The following SOX6 variants were observed in gnomAD, a reference collection of about 807,000 sequenced individuals.
The protein encoded by SOX6 is transcription factor SOX-6.
A neutral mutation model predicts 97.8 loss-of-function variants in SOX6; 11 were observed. The ratio of observed to expected loss-of-function variants is 0.11; its 90% CI spans 0.07 to 0.19. SOX6 has a LOEUF of 0.19. SOX6 is among the 10% of genes least tolerant of loss of function. SOX6 has a pLI of 1.00. For synonymous variants in SOX6, 360 were observed against 371.4 expected, an observed-to-expected ratio of 0.97 and a Z score of 0.35; for missense variants, 810 against 1,039.5, an observed-to-expected ratio of 0.78 and a Z score of 3.04.
chr11:16,615,049 C>A (rs7935139), intron 3 of SOX6, among the ~76,000 whole-genome samples: 2 of 152,116 alleles, frequency 1.3e-5, no homozygotes, highest in Non-Finnish European at 2.9e-5. Context: ...GCCCCCAAGC[C>A]GGACCCCACT....
At chr11:16,119,704 G>A (rs1376281098) in intron 6 of SOX6, among the ~76,000 whole-genome samples, 1 of 152,188 alleles carries the variant, frequency 6.6e-6, no homozygotes, top group Non-Finnish European at 1.5e-5. Context: ...TTTTCATAGG[G>A]TAGAATTGTT....
At position 16,046,664 on chromosome 11, in the gene SOX6, C is replaced by T; in HGVS notation, c.1473G>A (p.Gly491=). ...TGGCTTTCATCACTGTATCCTGATC[C>T]CCAAAAAGGGCAGGGGAGTTGAGAC... is the stretch of plus-strand genomic sequence containing the variant. The part of the protein sequence containing the change: ...LSSLNSPALF[G]DQDTVMKAIQ... Residue 491 remains glycine (G), a synonymous_variant, in exon 12 of 16, where the codon GGG becomes GGA. Transcript: ENST00000683767. The T allele has an allele frequency of 3.7e-6, 6 of 1,613,622 alleles. No individual in the cohort carries two copies. The highest frequency in any genetic ancestry group is 5.1e-6 in the Non-Finnish European group (6 of 1,179,740).
chr11:16,511,250 G>A (rs1860876018), intron 4 of SOX6, among the ~76,000 whole-genome samples: 1 of 152,120 alleles, frequency 6.6e-6, no homozygotes, highest in Non-Finnish European at 1.5e-5. Flanking sequence ...TTCTATAGAT[G>A]AGGATGATTA....
At chr11:15,988,724 A>G (rs1387499244) in intron 14 of SOX6, among the ~76,000 whole-genome samples, 1 of 152,206 alleles carries the variant, frequency 6.6e-6, no homozygotes, top group Admixed American at 6.5e-5. Context: ...ATTAACACAT[A>G]CTATAAATAG....
At chr11:16,587,733 T>G (rs992911789) in intron 4 of SOX6, among the ~76,000 whole-genome samples, 1 of 152,204 alleles carries the variant, frequency 6.6e-6, no homozygotes, top group Non-Finnish European at 1.5e-5. Flanking sequence ...TCCTTTATTC[T>G]CCTTCTCTTG....
chr11:16,522,210 A>AT (rs1261060472), intron 4 of SOX6, among the ~76,000 whole-genome samples: 5 of 152,218 alleles, frequency 3.3e-5, no homozygotes, highest in Admixed American at 3.3e-4. Flanking sequence ...GAAGGAAAAA[A>AT]TGTTAAGGGC....
chr11:16,306,061 CA>C (rs755136927), intron 3 of SOX6, among the ~76,000 whole-genome samples: 2 of 151,942 alleles, frequency 1.3e-5, no homozygotes, highest in Non-Finnish European at 2.9e-5. Flanking sequence ...AAATAGGTGA[CA>C]AAAATATATA....
chr11:16,130,155 TAAAC>T (rs1849705395), intron 6 of SOX6, among the ~76,000 whole-genome samples: 1 of 151,776 alleles, frequency 6.6e-6, no homozygotes, highest in Admixed American at 6.6e-5. Context: ...ATACTAGTAA[TAAAC>T]AATTAGAAAA....
At chr11:16,626,613 A>G (rs1171688804) in intron 3 of SOX6, among the ~76,000 whole-genome samples, 1 of 152,142 alleles carries the variant, frequency 6.6e-6, no homozygotes, top group Non-Finnish European at 1.5e-5. Flanking sequence ...GATTTTATTT[A>G]ATCTATAGAT....
intron 13 of SOX6, among the ~76,000 whole-genome samples, chr11:15,994,434 GT>G (rs1854160798): frequency 3.9e-5 from 5 of 129,592 alleles, no homozygotes; most frequent in East Asian, 2.7e-4. Context: ...TTGGGTTTAT[GT>G]AAAAAAAAAA....
At chr11:16,666,795 C>CA (rs1223862410) in intron 3 of SOX6, among the ~76,000 whole-genome samples, 20 of 133,110 alleles carry the variant, frequency 1.5e-4, no homozygotes, top group Non-Finnish European at 2.1e-4. Flanking sequence ...GACACCATCT[C>CA]AAAAAAAAAA....
intron 9 of SOX6, among the ~76,000 whole-genome samples, chr11:16,084,269 T>C (rs550522640): frequency 6.6e-6 from 1 of 152,208 alleles, no homozygotes; most frequent in Non-Finnish European, 1.5e-5. Context: ...ATACTATCTG[T>C]TCCTATCACC....
intron 12 of SOX6, among the ~76,000 whole-genome samples, chr11:16,043,975 CCTA>C (rs1199283391): frequency 6.6e-6 from 1 of 152,108 alleles, no homozygotes; most frequent in Non-Finnish European, 1.5e-5. Context: ...CTGGAAGCTT[CCTA>C]TGAGGTTGCT....
chr11:16,572,414 A>G (rs1847947732), intron 4 of SOX6, among the ~76,000 whole-genome samples: 1 of 152,236 alleles, frequency 6.6e-6, no homozygotes, highest in Admixed American at 6.5e-5. Flanking sequence ...ACTTTAAGCC[A>G]TAATGCTTAA....
intron 1 of SOX6, among the ~76,000 whole-genome samples, chr11:16,467,766 A>C (rs1860069192): frequency 6.6e-6 from 1 of 152,162 alleles, no homozygotes; most frequent in Non-Finnish European, 1.5e-5. Flanking sequence ...TAAACCCTGC[A>C]CATGTACCCC....
At chr11:16,002,385 C>A (rs1299741801) in intron 13 of SOX6, among the ~76,000 whole-genome samples, 2 of 152,082 alleles carry the variant, frequency 1.3e-5, no homozygotes, top group Non-Finnish European at 2.9e-5. Context: ...AGTTTTGATG[C>A]CTGTGTTTAC....
At chr11:16,264,067 A>ATGTT (rs760878492) in intron 3 of SOX6, among the ~76,000 whole-genome samples, 14 of 151,866 alleles carry the variant, frequency 9.2e-5, no homozygotes, top group Non-Finnish European at 1.9e-4. Flanking sequence ...TTCTTCATTC[A>ATGTT]TGTTTGTTTG....
chr11:16,213,287 G>GT (rs1349389362), intron 4 of SOX6, among the ~76,000 whole-genome samples: 21 of 151,578 alleles, frequency 1.4e-4, no homozygotes, highest in Non-Finnish European at 2.6e-4. Flanking sequence ...TTCTCTTAGA[G>GT]TTTTATTTAC....
chr11:16,427,308 C>T (rs1002147750), intron 1 of SOX6, among the ~76,000 whole-genome samples: 5 of 145,662 alleles, frequency 3.4e-5, no homozygotes, highest in African/African-American at 1.0e-4. Context: ...AAGTGTGCAA[C>T]GGACATGACC....
Sources: gnomAD v4.1 joint callset for allele counts (sites outside exome capture counted in the v4.1 genomes callset) on GRCh38, gnomAD v4.1.1 for gene constraint, MANE v1.5 for transcripts, NCBI Gene and HGNC (gene_info 2026-07-23, HGNC 2026-07-21) for gene names.